The following SHANK2 variants were observed in gnomAD, a reference collection of about 807,000 sequenced individuals.
SHANK2 encodes the protein SH3 and multiple ankyrin repeat domains 2, also known as SH3 and multiple ankyrin repeat domains protein 2.
In SHANK2, 43 loss-of-function variants were observed where a neutral mutation model predicts 133.7. The ratio of observed to expected loss-of-function variants is 0.32; its 90% confidence interval spans 0.25 to 0.41. The LOEUF (loss-of-function observed/expected upper bound fraction) is 0.41. SHANK2 is among the 10% of genes least tolerant of loss of function. The probability of loss-of-function intolerance (pLI) is 1.00; values close to 1 mark genes in which losing one functional copy is unlikely to be tolerated. For synonymous variants in SHANK2, 1,017 were observed against 952.8 expected (o/e 1.07, Z -1.24); for missense variants, 1,994 against 2,235.8 (o/e 0.89, Z 2.18).
At chr11:70,575,683 CAAGT>C (rs1554984098) in intron 17 of SHANK2, among the ~76,000 whole-genome samples, 1 of 149,914 alleles carries the variant, frequency 6.7e-6, no homozygotes. Flanking sequence ...TTACAGACTG[CAAGT>C]AAGTCGACAC....
chr11:70,736,769 A>G (rs1946413452), intron 14 of SHANK2, among the ~76,000 whole-genome samples: 1 of 151,696 alleles, frequency 6.6e-6, no homozygotes, highest in Non-Finnish European at 1.5e-5. Flanking sequence ...ACCCCAACAC[A>G]ACCCCCACCC....
In SHANK2 at chr11:70,502,817, C is replaced by A; in HGVS notation, c.2176G>T (p.Asp726Tyr). 2 of 1,500,740 alleles carry A rather than the reference C, an allele frequency of 1.3e-6. No homozygotes were observed. 93.0% of individuals were successfully genotyped at this position (1,500,740 alleles called of 1,614,324 possible). A position where few individuals can be genotyped will look rare whatever the true frequency, so the allele number is the denominator to read the frequency against. The change falls in exon 18 of 26, where the codon GAC becomes TAC. Residue 726 changes from aspartate (D) to tyrosine (Y), a missense_variant. By Grantham distance (160) the Asp-to-Tyr change is radical. This residue lies in a region of SHANK2 where 488 missense variants were observed against 642.6 expected (regional missense o/e 0.76). Transcript: ENST00000601538. ...GTACCTTTCTTCCTGGCGGTGTCGT[C>A]GGGGTCCAGATTCCTGGTCACCGTG... ...VVTVTRNLDP[D>Y]DTARKKAPPP...
intron 15 of SHANK2, among the ~76,000 whole-genome samples, chr11:70,671,519 T>C (rs988080888): frequency 5.9e-5 from 9 of 152,194 alleles, no homozygotes; most frequent in African/African-American, 2.2e-4. Flanking sequence ...GGAAGGCTAT[T>C]AGCATGTGAG....
intron 17 of SHANK2, among the ~76,000 whole-genome samples, chr11:70,625,148 G>C (rs539491113): frequency 5.3e-5 from 8 of 152,256 alleles, no homozygotes; most frequent in Admixed American, 3.3e-4. Flanking sequence ...AGGCAGGCGT[G>C]GGGGGCAGAG....
intron 14 of SHANK2, among the ~76,000 whole-genome samples, chr11:70,728,574 C>T (rs1011703061): frequency 7.9e-5 from 12 of 152,126 alleles, no homozygotes; most frequent in Non-Finnish European, 1.2e-4. Flanking sequence ...TTTTTGAGTC[C>T]GATGGACAGA....
intron 14 of SHANK2, among the ~76,000 whole-genome samples, chr11:70,755,787 C>A (rs1770736165): frequency 6.6e-6 from 1 of 152,260 alleles, no homozygotes; most frequent in Admixed American, 6.5e-5. Flanking sequence ...ACCGCGCCAG[C>A]AGATTCCTGG....
At chr11:70,784,540 C>G (rs985144739) in intron 14 of SHANK2, among the ~76,000 whole-genome samples, 1 of 151,754 alleles carries the variant, frequency 6.6e-6, no homozygotes, top group Admixed American at 6.6e-5. Flanking sequence ...CCTGACCTCT[C>G]AGGTGATCTG....
At chr11:70,826,135 A>T (rs1196940230) in intron 11 of SHANK2, among the ~76,000 whole-genome samples, 3 of 152,172 alleles carry the variant, frequency 2.0e-5, no homozygotes, top group African/African-American at 7.2e-5. Flanking sequence ...GTCACTGAGG[A>T]CTATAGTCAA....
At chr11:70,504,430 CAGGGCTGCGAGGAGCCCAGGG>C (rs1565079005) in intron 17 of SHANK2, among the ~76,000 whole-genome samples, 1 of 130,230 alleles carries the variant, frequency 7.7e-6, no homozygotes, top group East Asian at 3.8e-4. Flanking sequence ...GTCCTCCAGG[CAGGGCTGCGAGGAGCCCAGGG>C]AGGACTCAGT....
intron 3 of SHANK2, among the ~76,000 whole-genome samples, chr11:71,131,598 T>G (rs181579743): frequency 6.6e-6 from 1 of 152,316 alleles, no homozygotes; most frequent in Non-Finnish European, 1.5e-5. Flanking sequence ...AGACACTGCT[T>G]GGTTCTGCCA....
chr11:70,636,269 G>A (rs1000544265), intron 17 of SHANK2, among the ~76,000 whole-genome samples: 16 of 152,250 alleles, frequency 1.1e-4, no homozygotes, highest in Admixed American at 6.5e-4. Flanking sequence ...ATGCGAGCAT[G>A]CATGTGTGTG....
intron 17 of SHANK2, among the ~76,000 whole-genome samples, chr11:70,545,491 G>C (rs183107707): frequency 6.6e-6 from 1 of 152,284 alleles, no homozygotes; most frequent in Admixed American, 6.5e-5. Context: ...CTGCAGAGCT[G>C]AGGGTCCTCA....
chr11:70,572,014 A>C (rs1156635341), intron 17 of SHANK2, among the ~76,000 whole-genome samples: 1 of 152,206 alleles, frequency 6.6e-6, no homozygotes, highest in African/African-American at 2.4e-5. Context: ...AAGGGACCCC[A>C]GAGAGCTCGC....
intron 11 of SHANK2, among the ~76,000 whole-genome samples, chr11:70,835,534 G>T (rs1565350640): frequency 6.6e-6 from 1 of 152,172 alleles, no homozygotes; most frequent in Non-Finnish European, 1.5e-5. Flanking sequence ...GGCCAAGTGG[G>T]CTGGGGGCTT....
intron 2 of SHANK2, among the ~76,000 whole-genome samples, chr11:71,205,270 C>A (rs1277837917): frequency 6.6e-6 from 1 of 152,218 alleles, no homozygotes. Context: ...CGCATCCAGC[C>A]CACATTCTTC....
intron 2 of SHANK2, among the ~76,000 whole-genome samples, chr11:71,183,030 T>G (rs1555113989): frequency 6.6e-6 from 1 of 152,142 alleles, no homozygotes; most frequent in East Asian, 1.9e-4. Flanking sequence ...TCTTGTGTCT[T>G]CATGAAACTC....
At chr11:71,248,359 G>C (rs150365435) in intron 1 of SHANK2, among the ~76,000 whole-genome samples, 7 of 152,238 alleles carry the variant, frequency 4.6e-5, no homozygotes, top group East Asian at 1.9e-4. Flanking sequence ...TTCACAGCAC[G>C]GGAACCAGAA....
chr11:71,165,410 G>T (rs546095048), intron 2 of SHANK2, among the ~76,000 whole-genome samples: 1 of 152,306 alleles, frequency 6.6e-6, no homozygotes, highest in Admixed American at 6.5e-5. Flanking sequence ...CATGGCGAGA[G>T]AATCTCTTGC....
At chr11:70,859,653 T>G (rs1949227060) in intron 11 of SHANK2, among the ~76,000 whole-genome samples, 1 of 152,140 alleles carries the variant, frequency 6.6e-6, no homozygotes, top group Admixed American at 6.5e-5. Context: ...TCAGAGAAGC[T>G]GAGAAACTGA....
Sources: allele counts gnomAD v4.1 joint callset (sites outside exome capture counted in the v4.1 genomes callset), GRCh38; gene constraint gnomAD v4.1.1; regional missense constraint gnomAD v4.1.1; transcripts MANE v1.5; gene names NCBI Gene and HGNC (gene_info 2026-07-23, HGNC 2026-07-21).